The following PARP6 variants were observed in gnomAD, a reference collection of about 807,000 sequenced individuals.
PARP6 encodes protein mono-ADP-ribosyltransferase PARP6.
In PARP6, 27 loss-of-function variants were observed where a neutral mutation model predicts 92.0. The observed-to-expected ratio is 0.29, with a 90% CI of 0.22 to 0.40. PARP6 has a LOEUF of 0.40. Ranked by LOEUF, PARP6 falls within the 10% of genes least tolerant of loss-of-function variation. The pLI, the probability that PARP6 is intolerant of heterozygous loss-of-function variation, is 1.00. For synonymous variants in PARP6, 272 were observed against 281.2 expected (o/e 0.97, Z 0.33); for missense variants, 501 against 784.5 (o/e 0.64, Z 4.32).
chr15:72,264,509 C>G (rs770308279), intron 8 of PARP6, 46 bp downstream of exon 8: 1 of 1,428,478 alleles, frequency 7.0e-7, no homozygotes, highest in South Asian at 1.2e-5. Flanking sequence ...CCACCTCTCT[C>G]TCCTTCCTTC....
chr15:72,251,163 C>G lies in PARP6; in HGVS notation c.1308+44G>C, dbSNP rs374366202. The G allele has an allele frequency of 2.3e-5, 32 of 1,367,982 alleles. No individual in the cohort carries two copies. In the African/African-American group the frequency reaches 4.3e-4, roughly 18 times the overall value. The allele number at this position is 1,367,982 out of a possible 1,614,324, so 84.7% of individuals were successfully genotyped here. A position where few individuals can be genotyped will look rare whatever the true frequency, so the allele number is the denominator to read the frequency against. On this transcript the variant is annotated intron_variant, in intron 17 of 23. Coordinates refer to ENST00000569795, the MANE Select transcript of PARP6 (RefSeq NM_001323532.2). ...GCTGGCTTCCAGCCCCTCCCTGCCCCTCACCAGAAATTTAAAGCATTTAGA... is the reference window on the plus strand; with the variant it reads ...GCTGGCTTCCAGCCCCTCCCTGCCCGTCACCAGAAATTTAAAGCATTTAGA...
intron 20 of PARP6, among the ~76,000 whole-genome samples, chr15:72,246,250 A>C (rs1290010341): frequency 6.6e-6 from 1 of 152,196 alleles, no homozygotes; most frequent in Non-Finnish European, 1.5e-5. Flanking sequence ...CCCAGGTTCA[A>C]GTGATTCTTC....
chr15:72,247,066 C>T (rs564676175), intron 20 of PARP6, among the ~76,000 whole-genome samples: 10 of 152,012 alleles, frequency 6.6e-5, no homozygotes, highest in Admixed American at 5.9e-4. Context: ...CCAAAAAGTA[C>T]ACTTTTATTA....
intron 2 of PARP6, among the ~76,000 whole-genome samples, chr15:72,269,910 A>G (rs2087143563): frequency 1.3e-5 from 2 of 151,752 alleles, no homozygotes; most frequent in African/African-American, 2.4e-5. Flanking sequence ...AAAAAAAAAA[A>G]AAAAAAAAGA....
chr15:72,269,192 G>A (rs780961603), intron 2 of PARP6, among the ~76,000 whole-genome samples: 1 of 151,950 alleles, frequency 6.6e-6, no homozygotes, highest in East Asian at 1.9e-4. Flanking sequence ...ACAGAGTTTC[G>A]CTGTGTCGCC....
chr15:72,260,485 G>C lies in PARP6; in HGVS notation c.749C>G (p.Ser250Cys). 1 of 1,613,378 alleles carries C rather than the reference G, an allele frequency of 6.2e-7. No individual in the cohort carries two copies. Among genetic ancestry groups the C allele is most frequent in the Non-Finnish European group, 8.5e-7 (1 of 1,179,340 alleles). Reference sequence around the variant, plus strand: ...CCTCCCCAGCCCATGTACCAAAGGAGAGGTCCGTGCTGGGGGAGGGAGGCC... The same window carrying C: ...CCTCCCCAGCCCATGTACCAAAGGACAGGTCCGTGCTGGGGGAGGGAGGCC... ...HVGLPPPART[S>C]PLVSGHCKNI... Residue 250 changes from serine (S) to cysteine (C), a missense_variant, in exon 10 of 24, where the codon TCT (serine) becomes TGT (cysteine). Ser to Cys is a moderately radical substitution (Grantham distance 112, BLOSUM62 -1). This residue lies in a region of PARP6 where 291 missense variants were observed against 352.0 expected (regional missense o/e 0.83). Transcript: ENST00000569795.
At chr15:72,252,839 C>T (rs2084554003) in intron 16 of PARP6, among the ~76,000 whole-genome samples, 1 of 152,064 alleles carries the variant, frequency 6.6e-6, no homozygotes, top group Admixed American at 6.6e-5. Flanking sequence ...AAAAAGAAAA[C>T]AAACAACAAA....
chr15:72,241,908 A>G lies in PARP6; in HGVS notation c.1783T>C (p.Phe595Leu). Residue 595 changes from phenylalanine (F) to leucine (L), a missense_variant, in exon 23 of 24, where the codon TTC becomes CTC. By Grantham distance (22) the Phe-to-Leu change is conservative. Transcript: ENST00000569795. The surrounding 1 kb of genome is among the most constrained non-coding windows in gnomAD (Gnocchi z 4.1). ...PVSDHVCTRF[F>L]FVYEDGQVGD... The stretch of plus-strand genomic sequence containing the variant: ...AGTCCCTCCGACACTTACACAAAGA[A>G]GAATCTTGTGCAGACATGGTCGGAC... The G allele has an allele frequency of 6.2e-7, 1 of 1,611,850 alleles. No homozygotes were observed. Among genetic ancestry groups the G allele is most frequent in the Non-Finnish European group, 8.5e-7 (1 of 1,177,864 alleles).
intron 10 of PARP6, 135 bp from the exon 11 acceptor site, chr15:72,259,796 G>C (rs1172300756): frequency 5.4e-6 from 4 of 734,016 alleles, no homozygotes; most frequent in Non-Finnish European, 9.2e-6. Flanking sequence ...CTAGAAAGGA[G>C]ACTTTTAGAC....
intron 11 of PARP6, among the ~76,000 whole-genome samples, chr15:72,259,147 G>A (rs2064754778): frequency 6.6e-6 from 1 of 152,182 alleles, no homozygotes; most frequent in Admixed American, 6.5e-5. Context: ...GATAGCAAGA[G>A]GAAGATAGGA....
At chr15:72,268,233 C>A (rs146264826) in intron 2 of PARP6, among the ~76,000 whole-genome samples, 14 of 152,306 alleles carry the variant, frequency 9.2e-5, no homozygotes, top group African/African-American at 3.4e-4. Context: ...CCTGCTCTAG[C>A]TCATAATGTT....
chr15:72,242,687 C>T lies in PARP6; in HGVS notation c.1574G>A (p.Gly525Glu), dbSNP rs778831743. ...ATCCTTGGAGGGCATCCTGTGCTGT[C>T]CTTTTCCCATTCCTGTCACAGAACA... ...ISFGYSGMGK[G>E]QHRMPSKDEL... The change falls in exon 21 of 24, where the codon GGA becomes GAA. Residue 525 changes from glycine (G) to glutamate (E), a missense_variant. By Grantham distance (98) the Gly-to-Glu change is moderately conservative. Coordinates refer to ENST00000569795, the MANE Select transcript of PARP6 (RefSeq NM_001323532.2). The surrounding 1 kb of genome is among the most constrained non-coding windows in gnomAD (Gnocchi z 4.3). 1.2e-6 allele frequency: 2 copies of T among 1,607,006 alleles called. No homozygotes were observed. The highest frequency in any genetic ancestry group is 8.5e-7 in the Non-Finnish European group (1 of 1,176,442).
At chr15:72,251,136 T>C (rs539526488) in intron 17 of PARP6, 71 bp downstream of exon 17, 3 of 1,099,782 alleles carry the variant, frequency 2.7e-6, no homozygotes, top group East Asian at 2.4e-5. Flanking sequence ...CCAATATGGT[T>C]AGCTGGCTTC....
intron 16 of PARP6, chr15:72,251,457 A>G (rs2084341516): frequency 2.3e-6 from 1 of 440,394 alleles, no homozygotes; most frequent in Non-Finnish European, 4.1e-6. Context: ...AAAGGAAGGT[A>G]GTGACCAGAC....
chr15:72,249,186 T>C (rs955064271), intron 20 of PARP6, 59 bp downstream of exon 20: 1 of 939,386 alleles, frequency 1.1e-6, no homozygotes, highest in Non-Finnish European at 1.7e-6. Flanking sequence ...GCACAAATCA[T>C]GTATTCACAA....
At chr15:72,262,173 GCC>G (rs1178461539) in intron 8 of PARP6, among the ~76,000 whole-genome samples, 1 of 152,098 alleles carries the variant, frequency 6.6e-6, no homozygotes. Flanking sequence ...TTTGAGCTGC[GCC>G]CTTAGCTAGA....
Position 72,241,420 on chromosome 15 carries a change from G to C in PARP6, c.*35C>G. 1 of 1,421,354 alleles carries C rather than the reference G, an allele frequency of 7.0e-7. No individual in the cohort carries two copies. Among genetic ancestry groups the C allele is most frequent in the Non-Finnish European group, 1.0e-6 (1 of 1,004,586 alleles). 88.0% of individuals were successfully genotyped at this position (1,421,354 alleles called of 1,614,324 possible). ...ACTTTTATGAGGGCAGATGGATCCT[G>C]GGGTAACAGGGGTGGTACGAGGGCT... On this transcript the variant is annotated 3_prime_UTR_variant, in exon 24 of 24. Coordinates refer to ENST00000569795, the MANE Select transcript of PARP6 (RefSeq NM_001323532.2). This position sits in a 1 kb window ranked among gnomAD's most constrained non-coding sequence, Gnocchi z 4.1.
Position 72,266,770 on chromosome 15 carries a change from GATTC to G in PARP6, c.52_55del (p.Glu18GlnfsTer29). The stretch of plus-strand genomic sequence containing the variant: ...CTGAACGCCATAGAGAAATTCCTCT[GATTC>G]ATTATCTCCCTCCGAGTCGTCATCA... On this transcript the variant is annotated frameshift_variant, in exon 4 of 24. Coordinates refer to ENST00000569795, the MANE Select transcript of PARP6 (RefSeq NM_001323532.2). LOFTEE classifies it high-confidence loss of function. The G allele has an allele frequency of 6.2e-7, 1 of 1,613,912 alleles. No individual in the cohort carries two copies. The highest frequency in any genetic ancestry group is 8.5e-7 in the Non-Finnish European group (1 of 1,179,846).
At chr15:72,258,658 C>T (rs888780681) in intron 11 of PARP6, among the ~76,000 whole-genome samples, 3 of 152,252 alleles carry the variant, frequency 2.0e-5, no homozygotes, top group African/African-American at 7.2e-5. Context: ...CTGGTCAAAA[C>T]TACAGACAAT....
Sources: gnomAD v4.1 joint callset for allele counts (sites outside exome capture counted in the v4.1 genomes callset) on GRCh38, gnomAD v4.1.1 for gene constraint, gnomAD v4.1.1 regional missense constraint, Gnocchi (gnomAD v3.1) non-coding constraint, MANE v1.5 for transcripts, NCBI Gene and HGNC (gene_info 2026-07-23, HGNC 2026-07-21) for gene names.